Variants in DOCK11 observed in about 807,000 individuals in gnomAD.
The protein encoded by DOCK11 is dedicator of cytokinesis 11, also known as dedicator of cytokinesis protein 11.
DOCK11 carries 70 observed loss-of-function variants against 169.1 expected under a neutral mutation model. The ratio of observed to expected loss-of-function variants is 0.41; its 90% confidence interval spans 0.34 to 0.51. DOCK11 has a LOEUF of 0.51. Ranked by LOEUF, DOCK11 falls within the 20% of genes least tolerant of loss-of-function variation. The pLI is 0.10. For missense variants in DOCK11, 1,166 were observed against 1,538.8 expected (o/e 0.76, Z 4.05); for synonymous variants, 529 against 541.3 (o/e 0.98, Z 0.32).
At chrX:118,640,424 G>A (rs1288525612) in intron 38 of DOCK11, among the ~76,000 whole-genome samples, 1 of 112,269 alleles carries the variant, frequency 8.9e-6, no homozygotes, top group African/African-American at 3.2e-5. Context: ...TCAGCTTCTT[G>A]TAAAAATATG....
chrX:118,675,279 C>A (rs374975488), intron 46 of DOCK11, among the ~76,000 whole-genome samples: 1 of 112,034 alleles, frequency 8.9e-6, no homozygotes, highest in African/African-American at 3.2e-5. Context: ...ATTTTATTTT[C>A]CTTTTTAAAT....
At chrX:118,515,604 A>G (rs1489487030) in intron 1 of DOCK11, among the ~76,000 whole-genome samples, 1 of 110,512 alleles carries the variant, frequency 9.0e-6, no homozygotes, top group Non-Finnish European at 1.9e-5. Context: ...GGATGGGGGC[A>G]TATCTTTTTG....
intron 12 of DOCK11, among the ~76,000 whole-genome samples, chrX:118,576,588 A>G (rs183121184): frequency 2.0e-3 from 223 of 112,075 alleles, no homozygotes; most frequent in African/African-American, 6.9e-3. Flanking sequence ...GGGAGGCACA[A>G]ATAAGGTGCG....
intron 32 of DOCK11, 99 bp downstream of exon 32, chrX:118,624,754 CTTTTTT>C (rs368211104): frequency 6.0e-4 from 141 of 234,770 alleles, no homozygotes; most frequent in East Asian, 9.2e-4. Flanking sequence ...TAAGAGTTCA[CTTTTTT>C]TTTTTTTTTT....
intron 1 of DOCK11, among the ~76,000 whole-genome samples, chrX:118,516,187 G>C (rs1404966737): frequency 4.2e-5 from 4 of 95,235 alleles, no homozygotes; most frequent in African/African-American, 1.6e-4. Context: ...CCGCCTCCCG[G>C]GTTCACGCCA....
At chrX:118,568,370 T>TTATA (rs397839351) in intron 10 of DOCK11, among the ~76,000 whole-genome samples, 142 of 36,695 alleles carry the variant, frequency 3.9e-3, no homozygotes, top group South Asian at 5.2e-3. Context: ...TGGGGCTGAA[T>TTATA]TATATATATA....
intron 23 of DOCK11, among the ~76,000 whole-genome samples, chrX:118,602,681 C>T (rs1390253503): frequency 9.0e-6 from 1 of 110,757 alleles, no homozygotes; most frequent in Admixed American, 9.6e-5. Flanking sequence ...GCTGGGATTA[C>T]AGGCATGCAC....
intron 44 of DOCK11, among the ~76,000 whole-genome samples, chrX:118,660,220 A>C (rs186389165): frequency 1.1e-4 from 12 of 112,209 alleles, no homozygotes; most frequent in African/African-American, 3.2e-4. Context: ...GATAAGGAGT[A>C]TTGTCCTGAA....
intron 40 of DOCK11, among the ~76,000 whole-genome samples, chrX:118,646,349 A>G: frequency 9.0e-6 from 1 of 111,111 alleles, no homozygotes; most frequent in Non-Finnish European, 1.9e-5. Context: ...AATAACAACA[A>G]CAACAAAAAA....
At chrX:118,601,092 G>A (rs1170597967) in intron 23 of DOCK11, among the ~76,000 whole-genome samples, 5 of 111,400 alleles carry the variant, frequency 4.5e-5, no homozygotes, top group South Asian at 3.8e-4. Flanking sequence ...CAGTCAATAA[G>A]TGGTGGCTAT....
At chrX:118,662,214 A>C (rs1311198614) in intron 44 of DOCK11, among the ~76,000 whole-genome samples, 1 of 110,394 alleles carries the variant, frequency 9.1e-6, no homozygotes, top group Non-Finnish European at 1.9e-5. Context: ...TTATTTCCTG[A>C]CTCTCTTAAA....
At chrX:118,672,750 A>G (rs1199378937) in intron 46 of DOCK11, among the ~76,000 whole-genome samples, 2 of 112,911 alleles carry the variant, frequency 1.8e-5, no homozygotes, top group Admixed American at 1.9e-4. Context: ...ATGTATTCTT[A>G]AATAAAGCAG....
At chrX:118,646,495 GAA>G (rs764248908) in intron 40 of DOCK11, among the ~76,000 whole-genome samples, 1 of 111,504 alleles carries the variant, frequency 9.0e-6, no homozygotes, top group Non-Finnish European at 1.9e-5. Context: ...GCCAAAGAAG[GAA>G]AGAGTTCCAA....
At position 118,682,525 on chromosome X, in the gene DOCK11, T is replaced by C. The variant is rs980557440; in HGVS notation, c.5964-554T>C. ...AGACTATTTGTTGCTATGACAGGGA[T>C]ATAAAACAAATGGACAATGAAGTAC... On this transcript the variant is annotated intron_variant, in intron 51 of 52. Coordinates refer to ENST00000276202, the MANE Select transcript of DOCK11 (RefSeq NM_144658.4). 3.6e-5 allele frequency among the ~76,000 whole-genome samples: 4 copies of C among 111,628 alleles called. No homozygotes were observed. The Admixed American group carries it at 3.8e-4, about 11-fold the overall frequency.
chrX:118,680,780 C>G, intron 49 of DOCK11, 88 bp downstream of exon 49: 2 of 782,395 alleles, frequency 2.6e-6, no homozygotes, highest in Non-Finnish European at 3.7e-6. Flanking sequence ...GAACATACAA[C>G]TGAAATTTTA....
In DOCK11 at chrX:118,676,709, A is replaced by G; in HGVS notation, c.5432A>G (p.Asn1811Ser). 8.3e-7 allele frequency: 1 copy of G among 1,203,828 alleles called. No homozygotes were observed. The change falls in exon 48 of 53, where the codon AAT (asparagine) becomes AGT (serine). Residue 1811 changes from asparagine (N) to serine (S), a missense_variant. Coordinates refer to ENST00000276202, the MANE Select transcript of DOCK11 (RefSeq NM_144658.4). ...KLYGEKFGTE[N>S]VKIIQDSDKV... ...TATGGTGAAAAGTTTGGTACGGAGA[A>G]TGTCAAAATAATTCAGGATTCAGAC... is the stretch of plus-strand genomic sequence containing the variant.
chrX:118,505,469 T>C (rs1007158753), intron 1 of DOCK11, among the ~76,000 whole-genome samples: 3 of 112,343 alleles, frequency 2.7e-5, no homozygotes, highest in African/African-American at 9.7e-5. Context: ...TGTATATGTG[T>C]TACAAGTCAG....
chrX:118,504,747 A>G (rs1032053504), intron 1 of DOCK11, among the ~76,000 whole-genome samples: 3 of 111,884 alleles, frequency 2.7e-5, no homozygotes, highest in African/African-American at 9.7e-5. Flanking sequence ...CCTGCCGTTT[A>G]TATCAGCCTA....
intron 23 of DOCK11, among the ~76,000 whole-genome samples, chrX:118,601,748 T>C (rs767707951): frequency 8.9e-6 from 1 of 111,755 alleles, no homozygotes; most frequent in African/African-American, 3.2e-5. Context: ...TATATAACCT[T>C]AGTGCTGAAA....
Sources: allele counts gnomAD v4.1 joint callset (sites outside exome capture counted in the v4.1 genomes callset), GRCh38; gene constraint gnomAD v4.1.1; transcripts MANE v1.5; gene names NCBI Gene and HGNC (gene_info 2026-07-23, HGNC 2026-07-21).